Variants in B4GALT5 observed in about 807,000 individuals in gnomAD.
The protein encoded by B4GALT5 is UDP-Gal:beta-GlcNAc beta-1,4-galactosyltransferase 5.
Under a neutral mutation model 45.0 loss-of-function variants are expected in B4GALT5, and 11 were observed. The ratio of observed to expected loss-of-function variants is 0.24; its 90% CI spans 0.15 to 0.40. The LOEUF is 0.40. B4GALT5 is among the 10% of genes least tolerant of loss of function. The pLI is 1.00. For synonymous variants in B4GALT5, 185 were observed against 182.9 expected, an observed-to-expected ratio of 1.01 and a Z score of -0.09; for missense variants, 337 against 500.2, an observed-to-expected ratio of 0.67 and a Z score of 3.11.
intron 2 of B4GALT5, among the ~76,000 whole-genome samples, chr20:49,652,018 G>A (rs2123011931): frequency 6.6e-6 from 1 of 152,322 alleles, no homozygotes; most frequent in Non-Finnish European, 1.5e-5. Context: ...GGCGGAGGTT[G>A]CAGTGAGCTG....
chr20:49,707,777 A>C, intron 1 of B4GALT5, among the ~76,000 whole-genome samples: 1 of 151,840 alleles, frequency 6.6e-6, no homozygotes, highest in East Asian at 1.9e-4. Context: ...ACATCCAACT[A>C]ATTTTTTTGT....
chr20:49,692,422 G>A (rs2085817672), intron 1 of B4GALT5, among the ~76,000 whole-genome samples: 5 of 152,026 alleles, frequency 3.3e-5, no homozygotes, highest in Admixed American at 6.6e-5. Context: ...AGCTATGATC[G>A]CATCACTGCA....
rs1972805736 is a variant in B4GALT5 at position 49,634,556 on chromosome 20, A to G, written c.*1756T>C. On this transcript the variant is annotated 3_prime_UTR_variant, in exon 9 of 9. Transcript: ENST00000371711. ...AAAACAAAGAGGCACAAATTCAAAT[A>G]CAATTTAGAACATGACTTCAAGGCT... 1 of 152,192 alleles carries G rather than the reference A, an allele frequency of 6.6e-6. No individual in the cohort carries two copies. Among genetic ancestry groups the G allele is most frequent in the African/African-American group, 2.4e-5 (1 of 41,460 alleles). 9.4% of individuals were successfully genotyped at this position (152,192 alleles called of 1,614,324 possible).
chr20:49,713,242 A>G (rs2085926681), intron 1 of B4GALT5, among the ~76,000 whole-genome samples: 1 of 148,496 alleles, frequency 6.7e-6, no homozygotes, highest in African/African-American at 2.5e-5. Context: ...TCTCGAGCAG[A>G]GGAGCGGGAA....
chr20:49,704,179 A>T (rs2085874495), intron 1 of B4GALT5, among the ~76,000 whole-genome samples: 1 of 152,214 alleles, frequency 6.6e-6, no homozygotes, highest in African/African-American at 2.4e-5. Flanking sequence ...AGAACTTAAA[A>T]TGGGATAATG....
rs2085899125 is a variant in B4GALT5 at position 49,709,577 on chromosome 20, A to G, written c.115+3999T>C. 2.0e-5 allele frequency among the ~76,000 whole-genome samples: 3 copies of G among 152,004 alleles called. No homozygotes were observed. In the South Asian group the frequency reaches 6.2e-4, roughly 32 times the overall value. ...ACTTGAGGTCGGGAGTTCGAGACGAACCTGGCCAACATGGTAAAACCCCAT... is the reference window on the plus strand; with the variant it reads ...ACTTGAGGTCGGGAGTTCGAGACGAGCCTGGCCAACATGGTAAAACCCCAT... On this transcript the variant is annotated intron_variant, in intron 1 of 8. Transcript: ENST00000371711.
intron 1 of B4GALT5, among the ~76,000 whole-genome samples, chr20:49,674,463 C>T (rs1482865462): frequency 4.6e-5 from 7 of 151,948 alleles, no homozygotes; most frequent in South Asian, 2.1e-4. Flanking sequence ...CATTTAGGGT[C>T]GGGTGTGGTG....
intron 7 of B4GALT5, among the ~76,000 whole-genome samples, chr20:49,638,217 A>T (rs1371202241): frequency 1.3e-5 from 2 of 152,010 alleles, no homozygotes; most frequent in Admixed American, 1.3e-4. Context: ...ACAAGGTCTC[A>T]CTGTTGCCCA....
chr20:49,672,489 T>C (rs2085720098), intron 1 of B4GALT5, among the ~76,000 whole-genome samples: 1 of 152,232 alleles, frequency 6.6e-6, no homozygotes, highest in African/African-American at 2.4e-5. Flanking sequence ...TATCAACTTG[T>C]AGTCCTAGAA....
At chr20:49,704,709 A>G (rs2085877114) in intron 1 of B4GALT5, among the ~76,000 whole-genome samples, 1 of 147,556 alleles carries the variant, frequency 6.8e-6, no homozygotes, top group East Asian at 2.0e-4. Flanking sequence ...ACAGAGCAAG[A>G]CTCTGTCTCA....
intron 2 of B4GALT5, among the ~76,000 whole-genome samples, chr20:49,654,964 T>C (rs1335370572): frequency 6.6e-6 from 1 of 151,880 alleles, no homozygotes; most frequent in African/African-American, 2.4e-5. Context: ...AAATTAGCCA[T>C]GTCTACAAAC....
intron 6 of B4GALT5, 131 bp downstream of exon 6, chr20:49,640,347 G>A (rs2085571499): frequency 5.4e-6 from 4 of 744,760 alleles, no homozygotes; most frequent in Non-Finnish European, 8.2e-6. Flanking sequence ...CCAATTGTAT[G>A]GATACACACA....
intron 1 of B4GALT5, among the ~76,000 whole-genome samples, chr20:49,712,097 A>T (rs1474002218): frequency 1.3e-5 from 2 of 152,228 alleles, no homozygotes; most frequent in African/African-American, 4.8e-5. Context: ...AGTGATGCCA[A>T]GTCAGGCAAA....
At chr20:49,659,968 C>T (rs942089657) in intron 1 of B4GALT5, among the ~76,000 whole-genome samples, 5 of 151,980 alleles carry the variant, frequency 3.3e-5, no homozygotes, top group Admixed American at 1.3e-4. Flanking sequence ...TTCATAGAGA[C>T]GGGGTTTCAG....
intron 2 of B4GALT5, among the ~76,000 whole-genome samples, chr20:49,655,312 C>T (rs550808006): frequency 2.0e-5 from 3 of 150,994 alleles, no homozygotes; most frequent in Non-Finnish European, 4.4e-5. Flanking sequence ...ACACCTGTAA[C>T]CCCAGCTACT....
In B4GALT5 at chr20:49,633,483, G is replaced by A. The variant is rs1025261976; in HGVS notation, c.*2829C>T. ...CAATTTCACACTATTAACAGCACAC[G>A]GGCCTGGCTGTACGTTTTTAACTAT... On this transcript the variant is annotated 3_prime_UTR_variant, in exon 9 of 9. Coordinates refer to ENST00000371711, the MANE Select transcript of B4GALT5 (RefSeq NM_004776.4). The A allele has an allele frequency of 6.7e-6, 1 of 149,706 alleles. No homozygotes were observed. The highest frequency in any genetic ancestry group is 2.5e-5 in the African/African-American group (1 of 40,270). 9.3% of individuals were successfully genotyped at this position (149,706 alleles called of 1,614,324 possible). A position where few individuals can be genotyped will look rare whatever the true frequency, so the allele number is the denominator to read the frequency against.
intron 1 of B4GALT5, among the ~76,000 whole-genome samples, chr20:49,664,551 T>G (rs1308252357): frequency 6.6e-6 from 1 of 151,906 alleles, no homozygotes; most frequent in Non-Finnish European, 1.5e-5. Flanking sequence ...GGGGCTATTC[T>G]AGATTAGAGA....
At chr20:49,649,208 TG>T (rs1462891884) in intron 2 of B4GALT5, among the ~76,000 whole-genome samples, 1 of 152,252 alleles carries the variant, frequency 6.6e-6, no homozygotes, top group Non-Finnish European at 1.5e-5. Context: ...GAATGCTTTC[TG>T]TCCTTTTCAG....
intron 1 of B4GALT5, among the ~76,000 whole-genome samples, chr20:49,676,264 A>G (rs566593130): frequency 5.9e-5 from 9 of 152,296 alleles, no homozygotes; most frequent in African/African-American, 1.9e-4. Flanking sequence ...AATTTCACTG[A>G]AAATAAAAGT....
Sources: allele counts gnomAD v4.1 joint callset (sites outside exome capture counted in the v4.1 genomes callset), GRCh38; gene constraint gnomAD v4.1.1; transcripts MANE v1.5; gene names NCBI Gene and HGNC (gene_info 2026-07-23, HGNC 2026-07-21).